TRIM36: variants seen among roughly 807,000 people sequenced by gnomAD.
TRIM36 encodes the protein tripartite motif containing 36.
A neutral mutation model predicts 72.4 loss-of-function variants in TRIM36; 42 were observed. The observed-to-expected ratio is 0.58, with a 90% CI of 0.45 to 0.75. The LOEUF is 0.75. Ranked by LOEUF, TRIM36 falls within the 30% of genes least tolerant of loss-of-function variation. The pLI is 0.00. For synonymous variants in TRIM36, 315 were observed against 282.8 expected, an observed-to-expected ratio of 1.11 and a Z score of -1.14; for missense variants, 913 against 857.1, an observed-to-expected ratio of 1.07 and a Z score of -0.81.
intron 1 of TRIM36, among the ~76,000 whole-genome samples, chr5:115,175,764 C>G (rs1755304328): frequency 6.6e-6 from 1 of 152,048 alleles, no homozygotes; most frequent in Non-Finnish European, 1.5e-5. Context: ...TTCTGCCTGC[C>G]TTCCCTACTC....
chr5:115,130,914 C>T (rs762245829), intron 8 of TRIM36, 25 bp from the exon 9 acceptor site: 2 of 1,587,332 alleles, frequency 1.3e-6, no homozygotes, highest in Non-Finnish European at 1.7e-6. Flanking sequence ...AAATTAATAT[C>T]AGGCTAAAAA....
intron 5 of TRIM36, among the ~76,000 whole-genome samples, chr5:115,139,619 C>G (rs1753166120): frequency 6.6e-6 from 1 of 152,182 alleles, no homozygotes; most frequent in African/African-American, 2.4e-5. Flanking sequence ...TCACAACATC[C>G]AACTCAGAAA....
intron 2 of TRIM36, among the ~76,000 whole-genome samples, chr5:115,149,940 T>C (rs548229850): frequency 4.6e-5 from 7 of 152,128 alleles, no homozygotes; most frequent in African/African-American, 1.7e-4. Context: ...TTGTATTTTT[T>C]AGTAGAGATG....
chr5:115,129,549 ACTCCGT>A (rs2112765736), intron 9 of TRIM36, among the ~76,000 whole-genome samples: 1 of 152,268 alleles, frequency 6.6e-6, no homozygotes, highest in African/African-American at 2.4e-5. Context: ...CAAGAGCAAA[ACTCCGT>A]CTCAAAAAAG....
intron 5 of TRIM36, among the ~76,000 whole-genome samples, chr5:115,139,097 G>A (rs1267828404): frequency 6.6e-6 from 1 of 151,656 alleles, no homozygotes; most frequent in Non-Finnish European, 1.5e-5. Context: ...GGGATTACAG[G>A]TGTGAGCCAC....
At chr5:115,170,262 G>A (rs561179948), upstream of TRIM36, among the ~76,000 whole-genome samples, 1 of 152,134 alleles carries the variant, frequency 6.6e-6, no homozygotes, top group South Asian at 2.1e-4. Flanking sequence ...GGGCGGGGAG[G>A]CTCCGCTGCA....
At chr5:115,147,824 C>T (rs1753676263) in intron 2 of TRIM36, among the ~76,000 whole-genome samples, 1 of 152,116 alleles carries the variant, frequency 6.6e-6, no homozygotes, top group South Asian at 2.1e-4. Context: ...CATAAAAGAG[C>T]AGGGGTCCCT....
intron 2 of TRIM36, among the ~76,000 whole-genome samples, chr5:115,152,522 C>G (rs1333444044): frequency 6.6e-6 from 1 of 152,146 alleles, no homozygotes; most frequent in Non-Finnish European, 1.5e-5. Flanking sequence ...GCACAAAGAA[C>G]ACCTGGGAAA....
chr5:115,168,100 C>T (rs1754889790), intron 1 of TRIM36, among the ~76,000 whole-genome samples: 1 of 152,160 alleles, frequency 6.6e-6, no homozygotes. Context: ...TCACCTCCCA[C>T]CAGGTCTCTC....
intron 1 of TRIM36, among the ~76,000 whole-genome samples, chr5:115,168,114 C>T (rs1754891806): frequency 6.6e-6 from 1 of 152,192 alleles, no homozygotes; most frequent in African/African-American, 2.4e-5. Flanking sequence ...GTCTCTCCCT[C>T]AACACCTGGG....
chr5:115,143,151 T>C (rs1175293874), intron 4 of TRIM36, among the ~76,000 whole-genome samples: 3 of 126,834 alleles, frequency 2.4e-5, no homozygotes, highest in African/African-American at 9.2e-5. Flanking sequence ...AGAATCACCC[T>C]ACAGGTTCAA....
At chr5:115,177,095 A>G (rs79536403) in intron 1 of TRIM36, 72 of 152,464 alleles carry the variant, frequency 4.7e-4, no homozygotes, top group African/African-American at 1.7e-3. Flanking sequence ...TTCAGAGAAC[A>G]TACGGTATGC....
rs776248351 is a variant in TRIM36, at chr5:115,178,825, T to TA, written c.63+1149dup. The stretch of plus-strand genomic sequence containing the variant: ...TAGAACAAGAGAATTCAGAGAGGCG[T>TA]AGGGTTCATTTGGGACTTTTTAGGC... On this transcript the variant is annotated intron_variant, in intron 1 of 9. Coordinates refer to the TRIM36 transcript ENST00000282369. Among the ~76,000 whole-genome samples, 154 of 152,230 alleles carry TA rather than the reference T, an allele frequency of 1.0e-3. 1 individual carries two copies. The highest frequency in any genetic ancestry group is 7.8e-4 in the Admixed American group (12 of 15,300).
Position 115,126,224 on chromosome 5 carries a change from A to G in TRIM36, c.*279T>C. 3.2e-6 allele frequency: 1 copy of G among 308,224 alleles called. No individual in the cohort carries two copies. Among genetic ancestry groups the G allele is most frequent in the Non-Finnish European group, 6.0e-6 (1 of 167,502 alleles). The allele number at this position is 308,224 out of a possible 1,614,324, so 19.1% of individuals were successfully genotyped here. A position where few individuals can be genotyped will look rare whatever the true frequency, so the allele number is the denominator to read the frequency against. On this transcript the variant is annotated 3_prime_UTR_variant, in exon 10 of 10. Coordinates refer to ENST00000513154, the MANE Select transcript of TRIM36 (RefSeq NM_001300759.2). ...CAGCAACACCAGCTGACAGAAATAA[A>G]TTAGATATCCTGTACATAAAGTAAA...
At chr5:115,166,888 G>A (rs559424243) in intron 1 of TRIM36, among the ~76,000 whole-genome samples, 28 of 152,246 alleles carry the variant, frequency 1.8e-4, no homozygotes, top group South Asian at 6.2e-4. Context: ...GCAAGGAGCC[G>A]GCGCCCATAC....
At chr5:115,138,448 G>C (rs566993903) in intron 5 of TRIM36, among the ~76,000 whole-genome samples, 25 of 152,134 alleles carry the variant, frequency 1.6e-4, no homozygotes, top group African/African-American at 5.8e-4. Flanking sequence ...TCTTTACTAA[G>C]ATATAAAAAT....
chr5:115,177,865 G>GC, intron 1 of TRIM36: 1 of 1,614,082 alleles, frequency 6.2e-7, no homozygotes, highest in Non-Finnish European at 8.5e-7. Context: ...CAGGCCCATT[G>GC]CTGAAGCCTA....
chr5:115,180,215 C>T (rs1236138131), upstream of TRIM36: 3 of 574,196 alleles, frequency 5.2e-6, no homozygotes, highest in Non-Finnish European at 9.1e-6. Context: ...GAAATGAAGG[C>T]CATCGAGGGC....
At chr5:115,169,370 T>C (rs1754965111) in intron 1 of TRIM36, among the ~76,000 whole-genome samples, 1 of 152,176 alleles carries the variant, frequency 6.6e-6, no homozygotes. Flanking sequence ...CCATCGGATT[T>C]GCGCTCTTCT....
Sources: allele counts gnomAD v4.1 joint callset (sites outside exome capture counted in the v4.1 genomes callset), GRCh38; gene constraint gnomAD v4.1.1; transcripts MANE v1.5; gene names NCBI Gene and HGNC (gene_info 2026-07-23, HGNC 2026-07-21).